Variants in DIAPH1 observed in about 807,000 individuals in gnomAD.
DIAPH1 encodes protein diaphanous homolog 1.
In DIAPH1, 46 loss-of-function variants were observed where a neutral mutation model predicts 140.7. That is an observed-to-expected ratio of 0.33 (90% confidence interval 0.26 to 0.42). The LOEUF is 0.42. DIAPH1 is among the 10% of genes least tolerant of loss of function. The probability of loss-of-function intolerance (pLI) is 1.00; values close to 1 mark genes in which losing one functional copy is unlikely to be tolerated. For synonymous variants in DIAPH1, 565 were observed against 551.6 expected (o/e 1.02, Z -0.34); for missense variants, 1,310 against 1,558.7 (o/e 0.84, Z 2.69).
In DIAPH1 at chr5:141,578,593, G is replaced by A. The variant is rs1307150963; in HGVS notation, c.966C>T (p.Ile322=). Residue 322 remains isoleucine (I), a synonymous_variant, in exon 10 of 28, where the codon ATC becomes ATT. Transcript: ENST00000389054. ...VGCLQLINAL[I]TPAEELDFRV... The stretch of plus-strand genomic sequence containing the variant: ...GGAAGTCAAGTTCCTCCGCTGGTGT[G>A]ATGAGAGCATTGATCAGCTGTAGGC... 2 of 1,613,462 alleles carry A rather than the reference G, an allele frequency of 1.2e-6. No homozygotes were observed. Among genetic ancestry groups the A allele is most frequent in the African/African-American group, 2.7e-5 (2 of 74,890 alleles).
intron 1 of DIAPH1, among the ~76,000 whole-genome samples, chr5:141,610,739 C>T (rs936068719): frequency 6.6e-6 from 1 of 151,758 alleles, no homozygotes; most frequent in Non-Finnish European, 1.5e-5. Context: ...CATGAGCCAC[C>T]GTACCCCGCC....
chr5:141,618,662 C>G (rs955501289), intron 1 of DIAPH1, 136 bp downstream of exon 1: 3 of 609,146 alleles, frequency 4.9e-6, no homozygotes, highest in African/African-American at 1.9e-5. Context: ...GGCTGCAGAG[C>G]TGCGGACCGA....
chr5:141,575,616 T>C (rs1397261521), intron 14 of DIAPH1, among the ~76,000 whole-genome samples: 2 of 150,924 alleles, frequency 1.3e-5, no homozygotes, highest in African/African-American at 2.4e-5. Flanking sequence ...GCCACTGCAC[T>C]CCAGCCTGGA....
intron 14 of DIAPH1, 114 bp downstream of exon 14, chr5:141,576,115 TG>T (rs2099895933): frequency 2.3e-6 from 2 of 865,600 alleles, no homozygotes; most frequent in Non-Finnish European, 3.9e-6. Flanking sequence ...ACTACACTAT[TG>T]GGTGCTAAAC....
intron 1 of DIAPH1, among the ~76,000 whole-genome samples, chr5:141,598,881 T>C (rs1159520873): frequency 6.6e-6 from 1 of 152,216 alleles, no homozygotes; most frequent in African/African-American, 2.4e-5. Flanking sequence ...TATTAATACT[T>C]CAGCTTTTTA....
Position 141,587,042 on chromosome 5 carries a change from C to G in DIAPH1, c.300G>C (p.Leu100=), listed in dbSNP as rs547319575. ...AACATTTTGGGAATGGGAAACTTAC[C>G]AGCATCTGTTCAAAGAGAACCAGCA... is the stretch of plus-strand genomic sequence containing the variant. ...EQVLVLFEQM[L]LDMNLNEEKQ... Residue 100 remains leucine (L), a splice_region_variant and synonymous_variant, in exon 3 of 28, where the codon CTG becomes CTC. Transcript: ENST00000389054. 1.2e-6 allele frequency: 2 copies of G among 1,614,062 alleles called. No individual in the cohort carries two copies. The highest frequency in any genetic ancestry group is 1.7e-5 in the Admixed American group (1 of 60,020).
At chr5:141,517,588 T>G (rs1427645923) in intron 27 of DIAPH1, among the ~76,000 whole-genome samples, 19 of 152,062 alleles carry the variant, frequency 1.2e-4, no homozygotes, top group Middle Eastern at 3.4e-3. Flanking sequence ...CCACATGCCT[T>G]AGCTCTTTCC....
chr5:141,533,822 T>C (rs2099888603), intron 19 of DIAPH1, among the ~76,000 whole-genome samples: 1 of 152,152 alleles, frequency 6.6e-6, no homozygotes, highest in Non-Finnish European at 1.5e-5. Context: ...GCAGATCACC[T>C]GAGCCCAGGA....
At chr5:141,574,565 G>C (rs1406277694) in intron 15 of DIAPH1, among the ~76,000 whole-genome samples, 1 of 152,152 alleles carries the variant, frequency 6.6e-6, no homozygotes, top group Non-Finnish European at 1.5e-5. Context: ...AAGTAATCAA[G>C]TTATCAGACA....
chr5:141,537,254 C>T (rs137869005), intron 18 of DIAPH1, among the ~76,000 whole-genome samples: 2 of 151,872 alleles, frequency 1.3e-5, no homozygotes, highest in South Asian at 2.1e-4. Flanking sequence ...GAGGCTGAGG[C>T]GGGCGGATCA....
intron 27 of DIAPH1, among the ~76,000 whole-genome samples, chr5:141,523,068 T>C (rs2099886804): frequency 6.6e-6 from 1 of 152,232 alleles, no homozygotes; most frequent in African/African-American, 2.4e-5. Flanking sequence ...TTCCAGGCTG[T>C]GGCAGGTACT....
chr5:141,570,070 T>A lies in DIAPH1; in HGVS notation c.2482+1358A>T, dbSNP rs370584200. 2.1e-4 allele frequency among the ~76,000 whole-genome samples: 31 copies of A among 149,606 alleles called. No individual in the cohort carries two copies. The East Asian group carries it at 2.2e-3, about 11-fold the overall frequency. ...CATATCCCAATTCATAATGAGAATA[T>A]AATGCCAAGGAAGACCACTAAACTG... On this transcript the variant is annotated intron_variant, in intron 18 of 27. Transcript: ENST00000389054.
chr5:141,597,203 A>T (rs1460946813), intron 1 of DIAPH1, among the ~76,000 whole-genome samples: 1 of 152,212 alleles, frequency 6.6e-6, no homozygotes, highest in Non-Finnish European at 1.5e-5. Context: ...TAGATTATTC[A>T]AAGGCATATA....
chr5:141,574,077 G>A lies in DIAPH1; in HGVS notation c.1773C>T (p.Asp591=). ...GTGGTGGTGGAATAATAGTGCCAGA[G>A]TCACCAGGTAAAGGAGGGGCAGGGG... ...PVPPAPPLPG[D]SGTIIPPPPA... is the part of the protein sequence containing the mutation. The change falls in exon 16 of 28, where the codon GAC becomes GAT. Residue 591 remains aspartate, a synonymous_variant. Transcript: ENST00000389054. The A allele has an allele frequency of 6.2e-7, 1 of 1,611,990 alleles. No homozygotes were observed. Among genetic ancestry groups the A allele is most frequent in the Non-Finnish European group, 8.5e-7 (1 of 1,179,126 alleles).
intron 19 of DIAPH1, among the ~76,000 whole-genome samples, chr5:141,530,268 C>A (rs2099888015): frequency 6.6e-6 from 1 of 152,188 alleles, no homozygotes; most frequent in Admixed American, 6.5e-5. Context: ...CAGGACCTCT[C>A]TTTCCAGTCT....
At chr5:141,549,415 A>G (rs1596357180) in intron 18 of DIAPH1, among the ~76,000 whole-genome samples, 1 of 152,304 alleles carries the variant, frequency 6.6e-6, no homozygotes, top group South Asian at 2.1e-4. Flanking sequence ...TGAGTGAACT[A>G]AAGGCTGAAA....
Position 141,573,512 on chromosome 5 carries a change from G to A in DIAPH1, c.2338C>T (p.Arg780Trp), listed in dbSNP as rs754235853. 8 of 1,612,462 alleles carry A rather than the reference G, an allele frequency of 5.0e-6. No individual in the cohort carries two copies. The highest frequency in any genetic ancestry group is 1.1e-5 in the South Asian group (1 of 91,032). ...KKLYKPEVQL[R>W]RPNWSKLVAE... ...CTTACCTTGGACCAGTTTGGCCTCC[G>A]GAGCTGCACCTCTGGCTTATAAAGC... The change falls in exon 16 of 28, where the codon CGG becomes TGG. Residue 780 changes from arginine (R) to tryptophan (W), a missense_variant. Coordinates refer to ENST00000389054, the MANE Select transcript of DIAPH1 (RefSeq NM_005219.5).
At chr5:141,605,053 C>CTTCCA (rs2099900722) in intron 1 of DIAPH1, among the ~76,000 whole-genome samples, 1 of 152,050 alleles carries the variant, frequency 6.6e-6, no homozygotes, top group Non-Finnish European at 1.5e-5. Context: ...TCTAAAGAAA[C>CTTCCA]TTCCATATAT....
intron 18 of DIAPH1, among the ~76,000 whole-genome samples, chr5:141,568,551 A>T (rs1176338960): frequency 1.3e-5 from 2 of 152,226 alleles, no homozygotes; most frequent in Non-Finnish European, 2.9e-5. Context: ...ATAATGTGTA[A>T]AAGAATCTGG....
Sources: gnomAD v4.1 joint callset for allele counts (sites outside exome capture counted in the v4.1 genomes callset) on GRCh38, gnomAD v4.1.1 for gene constraint, MANE v1.5 for transcripts, NCBI Gene and HGNC (gene_info 2026-07-23, HGNC 2026-07-21) for gene names.